The following FKBP7 variants were observed in gnomAD, a reference collection of about 807,000 sequenced individuals.
FKBP7 encodes the protein FKBP prolyl isomerase 7, also known as peptidyl-prolyl cis-trans isomerase FKBP7.
Under a neutral mutation model 24.3 loss-of-function variants are expected in FKBP7, and 24 were observed. The observed-to-expected ratio is 0.99, with a 90% CI of 0.72 to 1.39. The LOEUF is 1.39. Ranked by LOEUF, FKBP7 falls within the 40% of genes most tolerant of loss-of-function variation. The probability of loss-of-function intolerance (pLI) is 0.00; values close to 1 mark genes in which losing one functional copy is unlikely to be tolerated. For synonymous variants in FKBP7, 98 were observed against 92.8 expected, an observed-to-expected ratio of 1.06 and a Z score of -0.32; for missense variants, 257 against 269.5, an observed-to-expected ratio of 0.95 and a Z score of 0.33.
At chr2:178,474,586 G>A (rs1684949275) in intron 2 of FKBP7, among the ~76,000 whole-genome samples, 1 of 152,194 alleles carries the variant, frequency 6.6e-6, no homozygotes, top group Admixed American at 6.5e-5. Flanking sequence ...AGCTCATAGA[G>A]GATTGGGAGT....
chr2:178,466,165 T>A (rs1287159151), intron 3 of FKBP7, among the ~76,000 whole-genome samples: 1 of 152,198 alleles, frequency 6.6e-6, no homozygotes, highest in Non-Finnish European at 1.5e-5. Context: ...TAGTGGTACA[T>A]ACTCGAAGAT....
intron 1 of FKBP7, 133 bp from the exon 2 acceptor site, chr2:178,477,346 G>T: frequency 1.2e-6 from 1 of 830,108 alleles, no homozygotes; most frequent in Non-Finnish European, 1.8e-6. Context: ...CCCTTAATGG[G>T]GTGTTTGACT....
chr2:178,464,768 T>C lies in FKBP7; in HGVS notation c.*1002A>G, dbSNP rs551282482. On this transcript the variant is annotated 3_prime_UTR_variant, in exon 4 of 4. Transcript: ENST00000424785. ...TTCTACAGCATCTCTTACATACTATTCTCAAGTCATATGATATCATAACTT... is the reference window on the plus strand; with the variant it reads ...TTCTACAGCATCTCTTACATACTATCCTCAAGTCATATGATATCATAACTT... 1 of 152,280 alleles carries C rather than the reference T, an allele frequency of 6.6e-6. No individual in the cohort carries two copies. The highest frequency in any genetic ancestry group is 6.5e-5 in the Admixed American group (1 of 15,292). The allele number at this position is 152,280 out of a possible 1,614,324, so 9.4% of individuals were successfully genotyped here.
intron 3 of FKBP7, among the ~76,000 whole-genome samples, chr2:178,467,042 A>G (rs1402719144): frequency 6.6e-6 from 1 of 152,182 alleles, no homozygotes; most frequent in Non-Finnish European, 1.5e-5. Context: ...AGGCAGACAC[A>G]TTTTTTTCTT....
intron 3 of FKBP7, among the ~76,000 whole-genome samples, chr2:178,468,781 T>C (rs1028040027): frequency 6.6e-6 from 1 of 152,064 alleles, no homozygotes; most frequent in Non-Finnish European, 1.5e-5. Context: ...CCATAAACTA[T>C]CATGAAGATT....
chr2:178,473,023 A>G, intron 2 of FKBP7: 1 of 1,237,646 alleles, frequency 8.1e-7, no homozygotes, highest in East Asian at 5.7e-5. Flanking sequence ...AAGAATATAT[A>G]CATACCGCAT....
chr2:178,472,143 T>C (rs1684863849), intron 2 of FKBP7, among the ~76,000 whole-genome samples: 1 of 151,594 alleles, frequency 6.6e-6, no homozygotes, highest in Non-Finnish European at 1.5e-5. Context: ...GTCGCGATCT[T>C]GGCTCACTGC....
intron 2 of FKBP7, chr2:178,473,109 T>C: frequency 7.7e-7 from 1 of 1,304,988 alleles, no homozygotes; most frequent in Non-Finnish European, 1.0e-6. Flanking sequence ...GAGACAAGGA[T>C]ATTTTGCAGA....
chr2:178,465,704 A>G lies in FKBP7; in HGVS notation c.*66T>C, dbSNP rs1684633482. On this transcript the variant is annotated 3_prime_UTR_variant, in exon 4 of 4. Transcript: ENST00000424785. Reference sequence around the variant, plus strand: ...AAATAGCAAATACAACTTGGAGAAAAGTGACTTTGTTTTATACATAAAGTA... The same window carrying G: ...AAATAGCAAATACAACTTGGAGAAAGGTGACTTTGTTTTATACATAAAGTA... 10 of 1,387,616 alleles carry G rather than the reference A, an allele frequency of 7.2e-6. No individual in the cohort carries two copies. Among genetic ancestry groups the G allele is most frequent in the Non-Finnish European group, 9.5e-6 (10 of 1,053,194 alleles). The allele number at this position is 1,387,616 out of a possible 1,614,324, so 86.0% of individuals were successfully genotyped here.
At position 178,469,795 on chromosome 2, in the gene FKBP7, T is replaced by C; in HGVS notation, c.374-10A>G. The C allele has an allele frequency of 1.9e-6, 3 of 1,609,794 alleles. No individual in the cohort carries two copies. Among genetic ancestry groups the C allele is most frequent in the Non-Finnish European group, 2.5e-6 (3 of 1,178,564 alleles). On this transcript the variant is annotated splice_polypyrimidine_tract_variant and intron_variant, in intron 2 of 3. Coordinates refer to ENST00000424785, the MANE Select transcript of FKBP7 (RefSeq NM_181342.3). The stretch of plus-strand genomic sequence containing the variant: ...GGAATCTTGCCTTCTGCTAAGGGTA[T>C]AAATTTTAACAGTTTAACTTATGTA...
intron 2 of FKBP7, among the ~76,000 whole-genome samples, chr2:178,473,749 G>T (rs975001716): frequency 1.3e-5 from 2 of 152,204 alleles, no homozygotes; most frequent in Non-Finnish European, 2.9e-5. Context: ...GGCAAACTCT[G>T]CCTCCAACAT....
Position 178,469,667 on chromosome 2 carries a change from C to T in FKBP7, c.492G>A (p.Gln164=), listed in dbSNP as rs1684793537. Residue 164 remains glutamine, a synonymous_variant, in exon 3 of 4, where the codon CAG becomes CAA. Transcript: ENST00000424785. ...FKQIDMDNDR[Q]LSKAEINLYL... The stretch of plus-strand genomic sequence containing the variant: ...TTTGAATTACCTCGGCTTTAGAGAG[C>T]TGCCTGTCATTGTCCATGTCTATTT... The T allele has an allele frequency of 6.2e-7, 1 of 1,613,902 alleles. No individual in the cohort carries two copies. Among genetic ancestry groups the T allele is most frequent in the Non-Finnish European group, 8.5e-7 (1 of 1,179,958 alleles).
rs368260705 is a variant in FKBP7 at position 178,478,269 on chromosome 2, C to T, written c.221+10G>A. 6.2e-7 allele frequency: 1 copy of T among 1,613,848 alleles called. No individual in the cohort carries two copies. On this transcript the variant is annotated intron_variant, in intron 1 of 3. Coordinates refer to ENST00000424785, the MANE Select transcript of FKBP7 (RefSeq NM_181342.3). ...AACTGGACGCACGGGCAGCTCGCAGCATTTCCTACCTGCAGTAGAATTTCG... is the reference window on the plus strand; with the variant it reads ...AACTGGACGCACGGGCAGCTCGCAGTATTTCCTACCTGCAGTAGAATTTCG...
chr2:178,472,080 T>A (rs963572214), intron 2 of FKBP7, among the ~76,000 whole-genome samples: 11 of 148,322 alleles, frequency 7.4e-5, no homozygotes, highest in Admixed American at 2.0e-4. Flanking sequence ...TTCTTTTCGT[T>A]TTTTTTTTTT....
intron 3 of FKBP7, among the ~76,000 whole-genome samples, chr2:178,469,269 C>G (rs1384406439): frequency 6.6e-6 from 1 of 152,224 alleles, no homozygotes; most frequent in African/African-American, 2.4e-5. Context: ...CTAGCCCACT[C>G]AATTCAGACC....
intron 3 of FKBP7, among the ~76,000 whole-genome samples, chr2:178,468,791 TA>T (rs1238640050): frequency 2.0e-5 from 3 of 152,142 alleles, no homozygotes; most frequent in Admixed American, 1.3e-4. Flanking sequence ...TCATGAAGAT[TA>T]CATAAGTTCA....
At chr2:178,472,962 C>T (rs778496405) in intron 2 of FKBP7, 19 of 515,308 alleles carry the variant, frequency 3.7e-5, no homozygotes, top group East Asian at 3.4e-4. Context: ...GCATTTGCTA[C>T]GGAATTACTT....
intron 3 of FKBP7, among the ~76,000 whole-genome samples, chr2:178,466,511 T>C (rs1266674811): frequency 6.6e-6 from 1 of 152,120 alleles, no homozygotes; most frequent in Non-Finnish European, 1.5e-5. Flanking sequence ...AAAAGTATTG[T>C]CCAATATAGT....
intron 2 of FKBP7, among the ~76,000 whole-genome samples, chr2:178,475,163 A>G (rs1236281889): frequency 6.6e-6 from 1 of 152,104 alleles, no homozygotes; most frequent in Non-Finnish European, 1.5e-5. Flanking sequence ...CCTGCAGTGA[A>G]TGTTCTTTTA....
Sources: allele counts gnomAD v4.1 joint callset (sites outside exome capture counted in the v4.1 genomes callset), GRCh38; gene constraint gnomAD v4.1.1; transcripts MANE v1.5; gene names NCBI Gene and HGNC (gene_info 2026-07-23, HGNC 2026-07-21).